MUC17: variants seen among roughly 807,000 people sequenced by gnomAD.
The protein encoded by MUC17 is mucin 17, cell surface associated, also known as mucin-17.
In MUC17, 190 loss-of-function variants were observed where a neutral mutation model predicts 170.3. That is an observed-to-expected ratio of 1.12 (90% CI 0.99 to 1.26). The LOEUF (loss-of-function observed/expected upper bound fraction) is 1.26. Ranked by LOEUF, MUC17 falls within the 50% of genes most tolerant of loss-of-function variation. MUC17 has a pLI of 0.00. For synonymous variants in MUC17, 2,325 were observed against 2,002.5 expected (o/e 1.16, Z -4.30); for missense variants, 6,415 against 5,530.0 (o/e 1.16, Z -5.08).
At chr7:101,026,993 G>A (rs986340974) in intron 1 of MUC17, among the ~76,000 whole-genome samples, 10 of 152,112 alleles carry the variant, frequency 6.6e-5, no homozygotes, top group Non-Finnish European at 1.5e-4. Flanking sequence ...TGGGATTACA[G>A]GTGTGAGCCA....
chr7:101,040,513 G>T lies in MUC17; in HGVS notation c.9097G>T (p.Gly3033Cys). 6.2e-7 allele frequency: 1 copy of T among 1,611,388 alleles called. No individual in the cohort carries two copies. The highest frequency in any genetic ancestry group is 8.5e-7 in the Non-Finnish European group (1 of 1,179,060). ...EASSSPTTAEGTGIPISTPSE... is the reference protein window; with the variant it reads ...EASSSPTTAECTGIPISTPSE... The stretch of plus-strand genomic sequence containing the variant: ...CAGTTCCTCTCCTACAACTGCTGAA[G>T]GTACCGGCATACCAATCTCAACTCC... The change falls in exon 3 of 13, where the codon GGT (glycine) becomes TGT (cysteine). Residue 3033 changes from glycine to cysteine, a missense_variant. Gly to Cys is a radical substitution (Grantham distance 159, BLOSUM62 -3). Coordinates refer to ENST00000306151, the MANE Select transcript of MUC17 (RefSeq NM_001040105.2).
At position 101,043,215 on chromosome 7, in the gene MUC17, C is replaced by T. The variant is rs1467931794; in HGVS notation, c.11799C>T (p.Ser3933=). 1 of 1,614,170 alleles carries T rather than the reference C, an allele frequency of 6.2e-7. No individual in the cohort carries two copies. The highest frequency in any genetic ancestry group is 8.5e-7 in the Non-Finnish European group (1 of 1,180,042). ...TISVSVITEG[S]TPGTTIFIPS... is the part of the protein sequence containing the mutation. ...CTGTATCAGTGATCACAGAAGGAAG[C>T]ACACCTGGGACAACCATTTTTATTC... is the stretch of plus-strand genomic sequence containing the variant. Residue 3933 remains serine (S), a synonymous_variant, in exon 3 of 13, where the codon AGC becomes AGT. Coordinates refer to ENST00000306151, the MANE Select transcript of MUC17 (RefSeq NM_001040105.2).
In MUC17 at chr7:101,040,174, A is replaced by G. The variant is rs1001589054; in HGVS notation, c.8758A>G (p.Ile2920Val). 3 of 1,612,660 alleles carry G rather than the reference A, an allele frequency of 1.9e-6. No individual in the cohort carries two copies. Among genetic ancestry groups the G allele is most frequent in the African/African-American group, 2.7e-5 (2 of 74,606 alleles). ...PTTAEGTSMP[I>V]STPSEVSTPL... ...AACTGCTGAAGGTACCAGCATGCCAATCTCAACTCCTAGTGAAGTAAGTAC... is the reference window on the plus strand; with the variant it reads ...AACTGCTGAAGGTACCAGCATGCCAGTCTCAACTCCTAGTGAAGTAAGTAC... The change falls in exon 3 of 13, where the codon ATC (isoleucine) becomes GTC (valine). Residue 2920 changes from isoleucine to valine, a missense_variant. By Grantham distance (29) the Ile-to-Val change is conservative. Coordinates refer to ENST00000306151, the MANE Select transcript of MUC17 (RefSeq NM_001040105.2).
intron 8 of MUC17, 37 bp from the exon 9 acceptor site, chr7:101,051,766 G>A: frequency 1.9e-6 from 3 of 1,607,440 alleles, no homozygotes; most frequent in Non-Finnish European, 2.6e-6. Context: ...CCAGCCCTCT[G>A]ATCACGGCTG....
At position 101,037,011 on chromosome 7, in the gene MUC17, A is replaced by T; in HGVS notation, c.5595A>T (p.Gly1865=). The T allele has an allele frequency of 6.3e-7, 1 of 1,584,012 alleles. No homozygotes were observed. The highest frequency in any genetic ancestry group is 8.5e-7 in the Non-Finnish European group (1 of 1,179,062). ...TAGCAACCTCAACGCCTAGTGAAGGAAGCACTGCATTAACAAGTATACCTG... is the reference window on the plus strand; with the variant it reads ...TAGCAACCTCAACGCCTAGTGAAGGTAGCACTGCATTAACAAGTATACCTG... The part of the protein sequence containing the change: ...TSIATSTPSE[G]STALTSIPVS... Residue 1865 remains glycine, a synonymous_variant, in exon 3 of 13, where the codon GGA becomes GGT. Coordinates refer to ENST00000306151, the MANE Select transcript of MUC17 (RefSeq NM_001040105.2).
chr7:101,041,204 C>A lies in MUC17; in HGVS notation c.9788C>A (p.Pro3263His), dbSNP rs533805705. The part of the protein sequence containing the change: ...LTTSTEASSS[P>H]PTAEGTSMPT... ...ACTTCTACTGAAGCCAGTTCATCTC[C>A]TCCCACTGCTGAAGGTACCAGCATG... is the stretch of plus-strand genomic sequence containing the variant. Residue 3263 changes from proline to histidine, a missense_variant, in exon 3 of 13, where the codon CCT becomes CAT. Transcript: ENST00000306151. The A allele has an allele frequency of 2.5e-6, 4 of 1,613,388 alleles. No homozygotes were observed. In the East Asian group the frequency reaches 8.9e-5, roughly 36 times the overall value.
Position 101,051,601 on chromosome 7 carries a change from T to A in MUC17, c.12875-12T>A. 1.2e-6 allele frequency: 2 copies of A among 1,612,984 alleles called. No individual in the cohort carries two copies. Among genetic ancestry groups the A allele is most frequent in the Middle Eastern group, 1.7e-4 (1 of 6,048 alleles). On this transcript the variant is annotated splice_polypyrimidine_tract_variant and intron_variant, in intron 7 of 12. Coordinates refer to ENST00000306151, the MANE Select transcript of MUC17 (RefSeq NM_001040105.2). ...TATGTGTCGTGAGGGGTTTTATGTG[T>A]CTCTTTCACAGACATGATGTGTTTC...
Position 101,037,457 on chromosome 7 carries a change from C to A in MUC17, c.6041C>A (p.Thr2014Asn). 6.2e-7 allele frequency: 1 copy of A among 1,610,582 alleles called. No individual in the cohort carries two copies. The highest frequency in any genetic ancestry group is 8.5e-7 in the Non-Finnish European group (1 of 1,178,268). The change falls in exon 3 of 13, where the codon ACT (threonine) becomes AAT (asparagine). Residue 2014 changes from threonine (T) to asparagine (N), a missense_variant. Thr to Asn is a moderately conservative substitution (Grantham distance 65, BLOSUM62 0). Transcript: ENST00000306151. ...TLSTTPVDTS[T>N]PATTSTEGSS... ...TCCACAACTCCTGTTGACACCAGCA[C>A]TCCTGCCACCACTTCTACTGAAGGC...
chr7:101,050,287 G>A (rs1000107887), intron 6 of MUC17, among the ~76,000 whole-genome samples, 197 bp from the exon 7 acceptor site: 4 of 152,282 alleles, frequency 2.6e-5, no homozygotes, highest in East Asian at 1.9e-4. Flanking sequence ...ATAGCAGGGG[G>A]CCCAGCGCAG....
chr7:101,031,751 C>T lies in MUC17; in HGVS notation c.335C>T (p.Pro112Leu), dbSNP rs1427207104. The change falls in exon 3 of 13, where the codon CCA becomes CTA. Residue 112 changes from proline (P) to leucine (L), a missense_variant. Pro to Leu is a moderately conservative substitution (Grantham distance 98). Coordinates refer to ENST00000306151, the MANE Select transcript of MUC17 (RefSeq NM_001040105.2). The part of the protein sequence containing the change: ...TPGVSSTRMT[P>L]TESRTTSEST... ...GGTGTCTCCAGTACCAGGATGACAC[C>T]AACAGAATCCAGAACAACTTCAGAA... 6.2e-7 allele frequency: 1 copy of T among 1,606,704 alleles called. No individual in the cohort carries two copies.
intron 3 of MUC17, among the ~76,000 whole-genome samples, chr7:101,046,788 A>T (rs1173501107): frequency 6.6e-6 from 1 of 152,024 alleles, no homozygotes; most frequent in African/African-American, 2.4e-5. Context: ...AAAAAATAAT[A>T]ATAATAAAAT....
Position 101,036,582 on chromosome 7 carries a change from C to A in MUC17, c.5166C>A (p.Thr1722=). The A allele has an allele frequency of 6.2e-7, 1 of 1,613,544 alleles. No homozygotes were observed. The highest frequency in any genetic ancestry group is 1.1e-5 in the South Asian group (1 of 91,034). ...TTPVDNSTPV[T]TSTEARSSPT... ...CCGTTGACAACAGCACACCTGTGAC[C>A]ACTTCTACTGAAGCCCGTTCATCTC... Residue 1722 remains threonine, a synonymous_variant, in exon 3 of 13, where the codon ACC becomes ACA. Transcript: ENST00000306151.
intron 1 of MUC17, among the ~76,000 whole-genome samples, chr7:101,028,750 T>A (rs558486567): frequency 2.0e-5 from 3 of 151,254 alleles, no homozygotes; most frequent in African/African-American, 7.3e-5. Flanking sequence ...TGGCTAGGTG[T>A]GGTGTCTCAT....
chr7:101,030,007 G>A (rs764907554), intron 1 of MUC17, among the ~76,000 whole-genome samples: 1 of 152,008 alleles, frequency 6.6e-6, no homozygotes, highest in African/African-American at 2.4e-5. Flanking sequence ...AACTTCCCAA[G>A]TACTTAAGAA....
At chr7:101,052,584 G>A (rs186258056) in intron 9 of MUC17, among the ~76,000 whole-genome samples, 108 of 152,256 alleles carry the variant, frequency 7.1e-4, no homozygotes, top group South Asian at 2.1e-3. Context: ...CTTCAGGGGT[G>A]TAGTGGGAGC....
chr7:101,030,296 C>T (rs1794255300), intron 1 of MUC17, among the ~76,000 whole-genome samples: 1 of 148,262 alleles, frequency 6.7e-6, no homozygotes, highest in South Asian at 2.1e-4. Flanking sequence ...GATCTTGGCT[C>T]ACTGCAACCT....
chr7:101,036,318 A>G lies in MUC17; in HGVS notation c.4902A>G (p.Thr1634=). The G allele has an allele frequency of 6.2e-7, 1 of 1,613,764 alleles. No individual in the cohort carries two copies. The highest frequency in any genetic ancestry group is 1.6e-4 in the Middle Eastern group (1 of 6,062). Reference sequence around the variant, plus strand: ...CTAGTGAAGGAAGTCCTCTATTAACAAGTATACCTGTCAGCACCACGCCGG... The same window carrying G: ...CTAGTGAAGGAAGTCCTCTATTAACGAGTATACCTGTCAGCACCACGCCGG... The part of the protein sequence containing the change: ...STPSEGSPLL[T]SIPVSTTPVA... The change falls in exon 3 of 13, where the codon ACA becomes ACG. Residue 1634 remains threonine, a synonymous_variant. Transcript: ENST00000306151.
In MUC17 at chr7:101,037,244, T is replaced by G; in HGVS notation, c.5828T>G (p.Ile1943Ser). The G allele has an allele frequency of 1.9e-6, 3 of 1,603,410 alleles. No homozygotes were observed. Among genetic ancestry groups the G allele is most frequent in the Middle Eastern group, 3.3e-4 (2 of 6,014 alleles). ...ACCACAACAGTGGCCAGTTCTGAAATCAACACCCTTTCAACAACTCTTGCT... is the reference window on the plus strand; with the variant it reads ...ACCACAACAGTGGCCAGTTCTGAAAGCAACACCCTTTCAACAACTCTTGCT... ...VSTTTVASSE[I>S]NTLSTTLADT... The change falls in exon 3 of 13, where the codon ATC (isoleucine) becomes AGC (serine). Residue 1943 changes from isoleucine (I) to serine (S), a missense_variant. Coordinates refer to ENST00000306151, the MANE Select transcript of MUC17 (RefSeq NM_001040105.2).
chr7:101,028,321 C>A (rs956221558), intron 1 of MUC17, among the ~76,000 whole-genome samples: 1 of 151,544 alleles, frequency 6.6e-6, no homozygotes, highest in Non-Finnish European at 1.5e-5. Context: ...GAACTCCTGA[C>A]CTTGTGATCT....
Sources: allele counts gnomAD v4.1 joint callset (sites outside exome capture counted in the v4.1 genomes callset), GRCh38; gene constraint gnomAD v4.1.1; transcripts MANE v1.5; gene names NCBI Gene and HGNC (gene_info 2026-07-23, HGNC 2026-07-21).